Variants in DPP10 observed in about 807,000 individuals in gnomAD.
DPP10 encodes dipeptidyl peptidase like 10.
DPP10 carries 33 observed loss-of-function variants against 120.9 expected under a neutral mutation model. The observed-to-expected ratio is 0.27, with a 90% CI of 0.21 to 0.37. The LOEUF (loss-of-function observed/expected upper bound fraction) is 0.37, where lower values mean the gene tolerates loss of function less well. Ranked by LOEUF, DPP10 falls within the 10% of genes least tolerant of loss-of-function variation. The pLI is 1.00. For missense variants in DPP10, 816 were observed against 942.8 expected (o/e 0.87, Z 1.76); for synonymous variants, 337 against 326.1 (o/e 1.03, Z -0.36).
chr2:115,422,446 C>A (rs1053212902), intron 3 of DPP10, among the ~76,000 whole-genome samples: 1 of 152,138 alleles, frequency 6.6e-6, no homozygotes, highest in Non-Finnish European at 1.5e-5. Flanking sequence ...GTGACAAGAA[C>A]ATGCATCATT....
intron 1 of DPP10, among the ~76,000 whole-genome samples, chr2:114,446,798 C>T (rs938704502): frequency 1.2e-4 from 19 of 152,102 alleles, no homozygotes; most frequent in Admixed American, 2.6e-4. Context: ...GACTTTTCCC[C>T]CTTGCTACTT....
chr2:114,861,815 G>A (rs1221480668), intron 1 of DPP10, among the ~76,000 whole-genome samples: 1 of 151,824 alleles, frequency 6.6e-6, no homozygotes, highest in East Asian at 1.9e-4. Context: ...GTAACATTGG[G>A]CCAGTTCCTT....
At chr2:115,180,912 C>T (rs1298718308) in intron 1 of DPP10, among the ~76,000 whole-genome samples, 3 of 98 alleles carry the variant, frequency 0.031, no homozygotes, top group African/African-American at 0.11. Context: ...CTCCATGCCT[C>T]CCTTCCTCCT....
chr2:115,043,974 G>A (rs1466474252), intron 1 of DPP10, among the ~76,000 whole-genome samples: 1 of 152,170 alleles, frequency 6.6e-6, no homozygotes, highest in Non-Finnish European at 1.5e-5. Context: ...GGCATGCAAT[G>A]TGTAATCATC....
chr2:114,570,977 C>G (rs527684141), intron 1 of DPP10, among the ~76,000 whole-genome samples: 2 of 151,740 alleles, frequency 1.3e-5, no homozygotes, highest in South Asian at 4.2e-4. Context: ...TTGTCCTATT[C>G]TATTGTAAAC....
At chr2:114,738,063 A>G (rs535066969) in intron 1 of DPP10, among the ~76,000 whole-genome samples, 35 of 152,320 alleles carry the variant, frequency 2.3e-4, no homozygotes, top group African/African-American at 7.2e-4. Flanking sequence ...TGGCCAGAGC[A>G]GGAGAGATAA....
Position 115,574,800 on chromosome 2 carries a change from A to T in DPP10, c.441+48828A>T, listed in dbSNP as rs532062954. 7.9e-5 allele frequency among the ~76,000 whole-genome samples: 12 copies of T among 152,170 alleles called. No homozygotes were observed. In the South Asian group the frequency reaches 2.5e-3, roughly 32 times the overall value. On this transcript the variant is annotated intron_variant, in intron 5 of 25. Transcript: ENST00000410059. Reference sequence around the variant, plus strand: ...CATTGCAGTTCCTTAGATGTACGTGACCTCCAGGGCCCTCTCACATTGTCC... The same window carrying T: ...CATTGCAGTTCCTTAGATGTACGTGTCCTCCAGGGCCCTCTCACATTGTCC...
At position 115,319,997 on chromosome 2, in the gene DPP10, G is replaced by A. The variant is rs1484020053; in HGVS notation, c.175+10644G>A. ...CACTTCTCAGTATTATTGCTTTGGG[G>A]ATTAAATTTCAATATGAATTTGGAA... On this transcript the variant is annotated intron_variant, in intron 2 of 25. Transcript: ENST00000410059. 2.0e-5 allele frequency among the ~76,000 whole-genome samples: 3 copies of A among 152,206 alleles called. No homozygotes were observed. In the South Asian group the frequency reaches 6.2e-4, roughly 32 times the overall value.
intron 1 of DPP10, among the ~76,000 whole-genome samples, chr2:115,146,784 G>C (rs992462702): frequency 6.6e-6 from 1 of 152,100 alleles, no homozygotes. Context: ...TGGAATTACT[G>C]TTCTTATAAA....
At chr2:114,693,081 A>C (rs780429973) in intron 1 of DPP10, among the ~76,000 whole-genome samples, 48 of 152,102 alleles carry the variant, frequency 3.2e-4, no homozygotes, top group Non-Finnish European at 6.9e-4. Context: ...ATTTACATTT[A>C]AGATTAGTAT....
chr2:115,040,828 T>A (rs187997200), intron 1 of DPP10, among the ~76,000 whole-genome samples: 71 of 152,216 alleles, frequency 4.7e-4, no homozygotes, highest in African/African-American at 1.7e-3. Context: ...ATTGAAAGTT[T>A]CCTGAGGCTG....
intron 5 of DPP10, among the ~76,000 whole-genome samples, chr2:115,573,105 T>A (rs939727617): frequency 2.0e-5 from 3 of 152,052 alleles, no homozygotes; most frequent in Admixed American, 1.3e-4. Flanking sequence ...TGAAATAATA[T>A]GCAGGTAGAG....
chr2:114,831,743 A>G (rs1414235074), intron 1 of DPP10, among the ~76,000 whole-genome samples: 7 of 151,966 alleles, frequency 4.6e-5, no homozygotes, highest in Non-Finnish European at 4.4e-5. Context: ...AATTTAACTG[A>G]AATACAGTAC....
At chr2:114,459,802 A>T (rs548574805) in intron 1 of DPP10, among the ~76,000 whole-genome samples, 2 of 152,226 alleles carry the variant, frequency 1.3e-5, no homozygotes, top group East Asian at 1.9e-4. Context: ...TGTTATTTTA[A>T]TGTAGCTATG....
At chr2:114,827,017 T>G (rs1686609602) in intron 1 of DPP10, among the ~76,000 whole-genome samples, 1 of 152,054 alleles carries the variant, frequency 6.6e-6, no homozygotes, top group Admixed American at 6.6e-5. Context: ...CACATGAGGA[T>G]CTGGGAGGTG....
At chr2:115,831,117 TAG>T (rs1688876893) in intron 21 of DPP10, among the ~76,000 whole-genome samples, 1 of 152,226 alleles carries the variant, frequency 6.6e-6, no homozygotes, top group African/African-American at 2.4e-5. Flanking sequence ...TGCAAAATAA[TAG>T]AGTGTAATAA....
chr2:115,454,325 G>T (rs931249993), intron 3 of DPP10, among the ~76,000 whole-genome samples: 3 of 151,620 alleles, frequency 2.0e-5, no homozygotes, highest in African/African-American at 7.2e-5. Context: ...TGTAGAGGCG[G>T]AAGTCTTTAA....
At chr2:114,834,472 ACACCTATGTATATATAAGCCATATCTACG>A (rs1687462766) in intron 1 of DPP10, among the ~76,000 whole-genome samples, 3 of 144,828 alleles carry the variant, frequency 2.1e-5, no homozygotes, top group African/African-American at 7.6e-5. Context: ...CCATATCTAC[ACACCTATGTATATATAAGCCATATCTACG>A]CACCTATGTA....
intron 1 of DPP10, among the ~76,000 whole-genome samples, chr2:115,106,463 G>T (rs1394297092): frequency 6.6e-6 from 1 of 152,048 alleles, no homozygotes; most frequent in Non-Finnish European, 1.5e-5. Context: ...TTGTTTGTTT[G>T]TTTTTTGTTT....
Sources: gnomAD v4.1 joint callset for allele counts (sites outside exome capture counted in the v4.1 genomes callset) on GRCh38, gnomAD v4.1.1 for gene constraint, MANE v1.5 for transcripts, NCBI Gene and HGNC (gene_info 2026-07-23, HGNC 2026-07-21) for gene names.